GAD2: variants seen among roughly 807,000 people sequenced by gnomAD.
The protein encoded by GAD2 is glutamate decarboxylase 2.
In GAD2, 22 loss-of-function variants were observed where a neutral mutation model predicts 80.1. The ratio of observed to expected loss-of-function variants is 0.27; its 90% CI spans 0.20 to 0.39. The LOEUF (loss-of-function observed/expected upper bound fraction) is 0.39, where lower values mean the gene tolerates loss of function less well. GAD2 is among the 10% of genes least tolerant of loss of function. GAD2 has a pLI of 1.00. For missense variants in GAD2, 624 were observed against 738.4 expected (o/e 0.85, Z 1.80); for synonymous variants, 274 against 256.9 (o/e 1.07, Z -0.64).
At chr10:26,243,267 T>C (rs1341036844) in intron 7 of GAD2, among the ~76,000 whole-genome samples, 1 of 152,232 alleles carries the variant, frequency 6.6e-6, no homozygotes, top group Non-Finnish European at 1.5e-5. Flanking sequence ...TTTGCTGCTG[T>C]TATAAATGTG....
At chr10:26,246,901 G>A (rs1844817294) in intron 8 of GAD2, among the ~76,000 whole-genome samples, 1 of 152,138 alleles carries the variant, frequency 6.6e-6, no homozygotes, top group Non-Finnish European at 1.5e-5. Context: ...TTTAAAATTA[G>A]GAGTGAGCTG....
At chr10:26,229,871 C>T in intron 7 of GAD2, 94 bp downstream of exon 7, 1 of 897,832 alleles carries the variant, frequency 1.1e-6, no homozygotes, top group Admixed American at 2.2e-5. Flanking sequence ...CCCAGAGGCC[C>T]TCTTTCTGGA....
At chr10:26,260,113 G>T (rs1447746042) in intron 8 of GAD2, among the ~76,000 whole-genome samples, 1 of 152,076 alleles carries the variant, frequency 6.6e-6, no homozygotes, top group Admixed American at 6.5e-5. Context: ...TTACTGATTA[G>T]AAATTTGTTT....
At chr10:26,237,658 G>A (rs75539932) in intron 7 of GAD2, among the ~76,000 whole-genome samples, 148 of 152,234 alleles carry the variant, frequency 9.7e-4, no homozygotes, top group African/African-American at 3.5e-3. Flanking sequence ...CTAGATCCTA[G>A]ATTGCTACTT....
intron 10 of GAD2, among the ~76,000 whole-genome samples, chr10:26,272,824 A>G (rs1388304165): frequency 2.6e-5 from 4 of 152,256 alleles, no homozygotes; most frequent in Non-Finnish European, 1.5e-5. Flanking sequence ...AGATCTCACC[A>G]TTGCACTCCA....
intron 11 of GAD2, among the ~76,000 whole-genome samples, chr10:26,278,069 TC>T (rs1845232123): frequency 6.6e-6 from 1 of 152,112 alleles, no homozygotes; most frequent in Non-Finnish European, 1.5e-5. Flanking sequence ...CTTTTTGCCA[TC>T]TTTATGCCTC....
At chr10:26,248,581 G>A (rs968630438) in intron 8 of GAD2, among the ~76,000 whole-genome samples, 3 of 152,202 alleles carry the variant, frequency 2.0e-5, no homozygotes, top group African/African-American at 7.2e-5. Flanking sequence ...TTCCTCAGAA[G>A]CTGATCGTTT....
chr10:26,295,283 C>T (rs570790691), intron 15 of GAD2, among the ~76,000 whole-genome samples: 21 of 152,028 alleles, frequency 1.4e-4, no homozygotes, highest in African/African-American at 2.2e-4. Flanking sequence ...TGAAAATCTC[C>T]GGGGATTGCA....
intron 12 of GAD2, among the ~76,000 whole-genome samples, chr10:26,281,771 A>C (rs752523046): frequency 2.6e-5 from 4 of 152,154 alleles, no homozygotes; most frequent in Non-Finnish European, 5.9e-5. Context: ...GGTCAAGGCC[A>C]CTACATCTGC....
chr10:26,298,239 T>C (rs192934245), intron 15 of GAD2, among the ~76,000 whole-genome samples: 2 of 152,320 alleles, frequency 1.3e-5, no homozygotes, highest in East Asian at 3.9e-4. Flanking sequence ...CCTGGACCCA[T>C]CTTAGTTGAT....
chr10:26,300,395 T>G (rs1834316308), intron 15 of GAD2, among the ~76,000 whole-genome samples: 2 of 152,212 alleles, frequency 1.3e-5, no homozygotes, highest in African/African-American at 4.8e-5. Context: ...AACTTACATT[T>G]TGGTAACAAT....
At chr10:26,253,501 A>G (rs985313005) in intron 8 of GAD2, among the ~76,000 whole-genome samples, 4 of 152,366 alleles carry the variant, frequency 2.6e-5, no homozygotes, top group African/African-American at 9.6e-5. Context: ...ATATTTCAGA[A>G]TTTGCTTGGG....
chr10:26,263,848 C>T (rs976998595), intron 8 of GAD2, among the ~76,000 whole-genome samples: 13 of 152,090 alleles, frequency 8.5e-5, no homozygotes, highest in African/African-American at 2.7e-4. Flanking sequence ...GTCACTGGAC[C>T]GCTCAATCCA....
At chr10:26,236,010 C>G (rs1327493518) in intron 7 of GAD2, among the ~76,000 whole-genome samples, 1 of 152,236 alleles carries the variant, frequency 6.6e-6, no homozygotes, top group Non-Finnish European at 1.5e-5. Flanking sequence ...CAAGCCTGGC[C>G]CACACCCACA....
intron 15 of GAD2, 61 bp downstream of exon 15, chr10:26,293,052 T>C: frequency 9.0e-6 from 12 of 1,339,524 alleles, no homozygotes; most frequent in Non-Finnish European, 1.3e-5. Context: ...GCACATCTTC[T>C]TTATGACATA....
chr10:26,254,652 A>G (rs1447208755), intron 8 of GAD2, among the ~76,000 whole-genome samples: 2 of 152,256 alleles, frequency 1.3e-5, no homozygotes, highest in Non-Finnish European at 2.9e-5. Context: ...TGACTAAAAG[A>G]CATGGGACAT....
At chr10:26,300,687 C>A in intron 15 of GAD2, 101 bp from the exon 16 acceptor site, 1 of 1,026,820 alleles carries the variant, frequency 9.7e-7, no homozygotes. Flanking sequence ...AAGGTTCTGA[C>A]TGTTGAGCTA....
intron 11 of GAD2, among the ~76,000 whole-genome samples, chr10:26,279,952 A>C (rs1411902868): frequency 6.6e-6 from 1 of 152,250 alleles, no homozygotes. Flanking sequence ...GAAAGGAAAG[A>C]TCGAGTTAAG....
chr10:26,294,430 C>T (rs1174238848), intron 15 of GAD2, among the ~76,000 whole-genome samples: 1 of 152,154 alleles, frequency 6.6e-6, no homozygotes, highest in African/African-American at 2.4e-5. Flanking sequence ...AACCAAGCCT[C>T]CTAATTAGAG....
Sources: gnomAD v4.1 joint callset for allele counts (sites outside exome capture counted in the v4.1 genomes callset) on GRCh38, gnomAD v4.1.1 for gene constraint, MANE v1.5 for transcripts, NCBI Gene and HGNC (gene_info 2026-07-23, HGNC 2026-07-21) for gene names.